The following UTRN variants were observed in gnomAD, a reference collection of about 807,000 sequenced individuals.
The protein encoded by UTRN is utrophin, also known as dystrophin-related protein 1.
UTRN carries 283 observed loss-of-function variants against 463.9 expected under a neutral mutation model. The ratio of observed to expected loss-of-function variants is 0.61; its 90% CI spans 0.55 to 0.67. UTRN has a LOEUF of 0.67. Ranked by LOEUF, UTRN falls within the 30% of genes least tolerant of loss-of-function variation. The pLI is 0.00. For synonymous variants in UTRN, 1,442 were observed against 1,431.5 expected (o/e 1.01, Z -0.17); for missense variants, 3,922 against 4,084.3 (o/e 0.96, Z 1.08).
At chr6:144,523,312 T>A (rs1796272914) in intron 41 of UTRN, 124 bp downstream of exon 41, 1 of 797,584 alleles carries the variant, frequency 1.3e-6, no homozygotes, top group Non-Finnish European at 1.8e-6. Context: ...GATGCCCTAT[T>A]ATTTTTTTTT....
intron 46 of UTRN, among the ~76,000 whole-genome samples, chr6:144,547,377 A>G (rs978678212): frequency 3.3e-5 from 5 of 152,198 alleles, no homozygotes. Context: ...TTAACCATTA[A>G]TGGTTTATTA....
intron 34 of UTRN, among the ~76,000 whole-genome samples, chr6:144,505,692 A>G (rs531971752): frequency 7.9e-4 from 120 of 152,302 alleles, no homozygotes; most frequent in African/African-American, 2.7e-3. Context: ...CAATTTTAGA[A>G]TAAGTGCTAT....
At chr6:144,433,022 G>A (rs1046541899) in intron 9 of UTRN, among the ~76,000 whole-genome samples, 1 of 152,178 alleles carries the variant, frequency 6.6e-6, no homozygotes, top group African/African-American at 2.4e-5. Flanking sequence ...AGATCAACAG[G>A]ATCCCAAGGC....
At chr6:144,308,718 T>A (rs1040397843) in intron 2 of UTRN, among the ~76,000 whole-genome samples, 1 of 152,150 alleles carries the variant, frequency 6.6e-6, no homozygotes, top group Non-Finnish European at 1.5e-5. Flanking sequence ...ATTGTACCCA[T>A]CCTCCTTTAC....
chr6:144,517,322 T>C (rs1795707484), intron 39 of UTRN, among the ~76,000 whole-genome samples: 1 of 152,078 alleles, frequency 6.6e-6, no homozygotes, highest in Non-Finnish European at 1.5e-5. Flanking sequence ...ATTTATATTC[T>C]AGTAAAGATT....
At chr6:144,398,915 T>C (rs992886810) in intron 2 of UTRN, among the ~76,000 whole-genome samples, 1 of 152,238 alleles carries the variant, frequency 6.6e-6, no homozygotes, top group African/African-American at 2.4e-5. Flanking sequence ...GAAACTCTGT[T>C]TTAAATGCGG....
At position 144,683,789 on chromosome 6, in the gene UTRN, C is replaced by T. The variant is rs190319631; in HGVS notation, c.7652+5211C>T. On this transcript the variant is annotated intron_variant, in intron 52 of 74. Coordinates refer to ENST00000367545, the MANE Select transcript of UTRN (RefSeq NM_007124.3). Reference sequence around the variant, plus strand: ...TCTACCAACTGCTATGGACACCAAACGGCCTGAATACCAGCCATAAACATC... The same window carrying T: ...TCTACCAACTGCTATGGACACCAAATGGCCTGAATACCAGCCATAAACATC... Among the ~76,000 whole-genome samples, 7 of 152,260 alleles carry T rather than the reference C, an allele frequency of 4.6e-5. No individual in the cohort carries two copies. In the South Asian group the frequency reaches 6.2e-4, roughly 14 times the overall value.
At position 144,789,180 on chromosome 6, in the gene UTRN, T is replaced by C; in HGVS notation, c.8835-14T>C. ...TTAAATGCATCTAACACATTAACAT[T>C]CTTATAATTTTAGGGGTCGAACTGG... is the stretch of plus-strand genomic sequence containing the variant. On this transcript the variant is annotated splice_polypyrimidine_tract_variant and intron_variant, in intron 61 of 74. Transcript: ENST00000367545. 1 of 1,605,368 alleles carries C rather than the reference T, an allele frequency of 6.2e-7. No homozygotes were observed. The highest frequency in any genetic ancestry group is 1.1e-5 in the South Asian group (1 of 90,154).
chr6:144,403,781 T>C (rs902030194), intron 3 of UTRN, among the ~76,000 whole-genome samples: 1 of 152,208 alleles, frequency 6.6e-6, no homozygotes, highest in Non-Finnish European at 1.5e-5. Flanking sequence ...AGAGGAATTG[T>C]CAGTGCTATT....
chr6:144,343,292 G>C (rs1372376407), intron 2 of UTRN, among the ~76,000 whole-genome samples: 1 of 151,644 alleles, frequency 6.6e-6, no homozygotes, highest in Non-Finnish European at 1.5e-5. Context: ...TGTATGTGGT[G>C]GACACATGCA....
chr6:144,388,901 T>G (rs1272825280), intron 2 of UTRN, among the ~76,000 whole-genome samples: 1 of 152,208 alleles, frequency 6.6e-6, no homozygotes, highest in East Asian at 1.9e-4. Context: ...AGCTCCTCAG[T>G]GTGAAGACCC....
intron 55 of UTRN, 71 bp from the exon 56 acceptor site, chr6:144,751,735 T>C: frequency 7.0e-7 from 1 of 1,432,108 alleles, no homozygotes. Context: ...ACCTAAGTTA[T>C]TTAAGGATCA....
At chr6:144,496,286 CT>C (rs1311555776) in intron 33 of UTRN, among the ~76,000 whole-genome samples, 2 of 152,102 alleles carry the variant, frequency 1.3e-5, no homozygotes, top group African/African-American at 4.8e-5. Flanking sequence ...AGAAAAATAG[CT>C]GAAATTTTGT....
In UTRN at chr6:144,781,965, G is replaced by C. The variant is rs144092912; in HGVS notation, c.8676G>C (p.Gln2892His). ...GTACAACAAATGAAATTTTCAAACA[G>C]CACAAGTTGAACCAAAATGACCAGC... ...ELSTTNEIFKQHKLNQNDQLL... is the reference protein window; with the variant it reads ...ELSTTNEIFKHHKLNQNDQLL... The change falls in exon 61 of 75, where the codon CAG (glutamine) becomes CAC (histidine). Residue 2892 changes from glutamine to histidine, a missense_variant. By Grantham distance (24) the Gln-to-His change is conservative. This residue lies in a region of UTRN where 1,309 missense variants were observed against 1,452.6 expected (regional missense o/e 0.90). Transcript: ENST00000367545. The C allele has an allele frequency of 6.8e-6, 11 of 1,613,952 alleles. No homozygotes were observed. In the African/African-American group the frequency reaches 1.5e-4, roughly 22 times the overall value.
At chr6:144,309,228 C>G (rs924691626) in intron 2 of UTRN, among the ~76,000 whole-genome samples, 1 of 152,240 alleles carries the variant, frequency 6.6e-6, no homozygotes, top group Admixed American at 6.5e-5. Flanking sequence ...TGGACCTCCT[C>G]TCTGTCCCCA....
intron 51 of UTRN, among the ~76,000 whole-genome samples, chr6:144,634,977 C>CA (rs1262027698): frequency 1.3e-5 from 2 of 152,076 alleles, no homozygotes; most frequent in African/African-American, 4.8e-5. Flanking sequence ...CTGCTATGAA[C>CA]ATTTATGTGC....
chr6:144,787,730 C>A (rs1036881980), intron 61 of UTRN, among the ~76,000 whole-genome samples: 1 of 152,008 alleles, frequency 6.6e-6, no homozygotes, highest in Non-Finnish European at 1.5e-5. Flanking sequence ...ATTAAAGTTA[C>A]GTGATACAAA....
At chr6:144,843,491 G>T (rs1426827865) in intron 73 of UTRN, among the ~76,000 whole-genome samples, 2 of 152,154 alleles carry the variant, frequency 1.3e-5, no homozygotes, top group Non-Finnish European at 2.9e-5. Flanking sequence ...AAAATGAATT[G>T]TAACAGGTAA....
chr6:144,526,769 T>A (rs1017791271), intron 41 of UTRN, among the ~76,000 whole-genome samples: 5 of 151,836 alleles, frequency 3.3e-5, no homozygotes, highest in African/African-American at 1.2e-4. Context: ...TTTCATTTTG[T>A]TATTGTTAAT....
Sources: gnomAD v4.1 joint callset for allele counts (sites outside exome capture counted in the v4.1 genomes callset) on GRCh38, gnomAD v4.1.1 for gene constraint, gnomAD v4.1.1 regional missense constraint, MANE v1.5 for transcripts, NCBI Gene and HGNC (gene_info 2026-07-23, HGNC 2026-07-21) for gene names.